Variants in NCKAP5 observed in about 807,000 individuals in gnomAD.
NCKAP5 encodes NCK associated protein 5, also known as nck-associated protein 5.
In NCKAP5, 92 loss-of-function variants were observed where a neutral mutation model predicts 167.0. The observed-to-expected ratio is 0.55, with a 90% CI of 0.47 to 0.66. The LOEUF is 0.66. NCKAP5 is among the 30% of genes least tolerant of loss of function. NCKAP5 has a pLI of 0.00. For missense variants in NCKAP5, 2,378 were observed against 2,315.0 expected (o/e 1.03, Z -0.56); for synonymous variants, 891 against 877.4 (o/e 1.02, Z -0.27).
chr2:133,296,142 G>A (rs985325160), intron 4 of NCKAP5, among the ~76,000 whole-genome samples: 5 of 152,116 alleles, frequency 3.3e-5, no homozygotes, highest in Non-Finnish European at 7.4e-5. Flanking sequence ...ACATCATTAT[G>A]GTAAAACCAA....
At chr2:132,940,448 T>C (rs774270870) in intron 8 of NCKAP5, among the ~76,000 whole-genome samples, 28 of 152,288 alleles carry the variant, frequency 1.8e-4, no homozygotes, top group Middle Eastern at 3.4e-3. Context: ...ACTTAAAACA[T>C]ACCAAATAGA....
At chr2:133,579,396 G>C in the NCKAP5 span, among the ~76,000 whole-genome samples, 1 of 152,212 alleles carries the variant, frequency 6.6e-6, no homozygotes, top group Non-Finnish European at 1.5e-5. Context: ...GGAATCTGGA[G>C]ACACATAGAA....
the NCKAP5 span, among the ~76,000 whole-genome samples, chr2:133,602,374 G>A: frequency 1.3e-4 from 20 of 152,148 alleles, no homozygotes; most frequent in African/African-American, 4.6e-4. Flanking sequence ...GGACTTGTGG[G>A]GTGTAGACAA....
chr2:132,790,304 C>G, intron 12 of NCKAP5, 99 bp from the exon 13 acceptor site: 1 of 1,057,136 alleles, frequency 9.5e-7, no homozygotes, highest in Non-Finnish European at 1.4e-6. Flanking sequence ...AGATGCTCCT[C>G]AACTTATGGC....
chr2:133,200,133 G>T (rs2085621166), intron 5 of NCKAP5, among the ~76,000 whole-genome samples: 1 of 139,394 alleles, frequency 7.2e-6, no homozygotes, highest in African/African-American at 2.7e-5. Flanking sequence ...GATGCAAAGA[G>T]CTTAGAATAG....
At chr2:132,986,750 T>A (rs1035635780) in intron 7 of NCKAP5, among the ~76,000 whole-genome samples, 6 of 152,190 alleles carry the variant, frequency 3.9e-5, no homozygotes, top group Non-Finnish European at 8.8e-5. Context: ...TGTATTTAAA[T>A]TTTGGAGTTT....
chr2:133,047,153 C>T (rs759495227), intron 6 of NCKAP5, among the ~76,000 whole-genome samples: 9 of 152,212 alleles, frequency 5.9e-5, no homozygotes, highest in Admixed American at 2.6e-4. Flanking sequence ...GCCCTCACCA[C>T]GCAGACTACT....
chr2:133,137,605 A>G (rs2149823244), intron 5 of NCKAP5, among the ~76,000 whole-genome samples: 1 of 152,220 alleles, frequency 6.6e-6, no homozygotes, highest in South Asian at 2.1e-4. Context: ...CTATAACAGA[A>G]ATGGCACAGG....
chr2:133,199,862 A>C (rs1219482820), intron 5 of NCKAP5, among the ~76,000 whole-genome samples: 1 of 152,016 alleles, frequency 6.6e-6, no homozygotes, highest in Non-Finnish European at 1.5e-5. Context: ...CTAATCAGCA[A>C]CTAAAGGAAG....
intron 4 of NCKAP5, among the ~76,000 whole-genome samples, chr2:133,262,947 T>C (rs1391624364): frequency 6.6e-6 from 1 of 152,146 alleles, no homozygotes; most frequent in Non-Finnish European, 1.5e-5. Context: ...ATCAGCACAG[T>C]GCTCTTAACT....
chr2:132,859,061 A>G (rs1375309388), intron 11 of NCKAP5, among the ~76,000 whole-genome samples: 1 of 152,210 alleles, frequency 6.6e-6, no homozygotes, highest in Non-Finnish European at 1.5e-5. Context: ...AAGATCCCCT[A>G]TGACAAATAT....
At chr2:133,017,683 T>C (rs2078384554) in intron 6 of NCKAP5, among the ~76,000 whole-genome samples, 1 of 152,090 alleles carries the variant, frequency 6.6e-6, no homozygotes, top group African/African-American at 2.4e-5. Context: ...TGACAAATCC[T>C]CATGCATGCC....
intron 6 of NCKAP5, among the ~76,000 whole-genome samples, chr2:133,081,942 T>A (rs1361773592): frequency 6.6e-6 from 1 of 152,144 alleles, no homozygotes; most frequent in African/African-American, 2.4e-5. Context: ...ATAGATAAAC[T>A]GAATGTCACA....
intron 16 of NCKAP5, among the ~76,000 whole-genome samples, chr2:132,770,198 G>A (rs1289370593): frequency 6.6e-6 from 1 of 151,926 alleles, no homozygotes; most frequent in Admixed American, 6.6e-5. Context: ...AACTTTGCCT[G>A]AGTTCTTGTT....
intron 2 of NCKAP5, among the ~76,000 whole-genome samples, chr2:133,546,096 C>T (rs550833599): frequency 6.6e-6 from 1 of 151,906 alleles, no homozygotes; most frequent in Non-Finnish European, 1.5e-5. Flanking sequence ...CCCCCACACC[C>T]CCGCCTTGCA....
At chr2:132,795,898 C>T (rs1490761176) in intron 12 of NCKAP5, among the ~76,000 whole-genome samples, 1 of 102,398 alleles carries the variant, frequency 9.8e-6, no homozygotes, top group South Asian at 3.5e-4. Context: ...TAAATAAAAA[C>T]TCCATACTTA....
chr2:132,895,297 C>G lies in NCKAP5; in HGVS notation c.580-16381G>C, dbSNP rs972543331. Among the ~76,000 whole-genome samples, 11 of 148,266 alleles carry G rather than the reference C, an allele frequency of 7.4e-5. No homozygotes were observed. In the South Asian group the frequency reaches 2.4e-3, roughly 32 times the overall value. ...GGTGAGCCGAGATCGCGTCACTGCA[C>G]TCCAGCCTGGAGACTGGAGTCTTTG... On this transcript the variant is annotated intron_variant, in intron 8 of 19. Transcript: ENST00000409261.
chr2:133,318,704 C>T (rs111958205), intron 3 of NCKAP5, among the ~76,000 whole-genome samples: 33 of 152,240 alleles, frequency 2.2e-4, no homozygotes, highest in African/African-American at 7.2e-4. Context: ...AGTTGAAAGC[C>T]CTTGTGCCCA....
intron 8 of NCKAP5, among the ~76,000 whole-genome samples, chr2:132,931,816 T>C (rs940971755): frequency 1.3e-5 from 2 of 152,090 alleles, no homozygotes; most frequent in Non-Finnish European, 2.9e-5. Context: ...ACCCTGTTAA[T>C]CACACACATG....
Sources: gnomAD v4.1 joint callset for allele counts (sites outside exome capture counted in the v4.1 genomes callset) on GRCh38, gnomAD v4.1.1 for gene constraint, MANE v1.5 for transcripts, NCBI Gene and HGNC (gene_info 2026-07-23, HGNC 2026-07-21) for gene names.